The following KDM2B variants were observed in gnomAD, a reference collection of about 807,000 sequenced individuals.
KDM2B encodes the protein lysine demethylase 2B, also known as lysine-specific demethylase 2B.
KDM2B carries 26 observed loss-of-function variants against 150.0 expected under a neutral mutation model. The observed-to-expected ratio is 0.17, with a 90% CI of 0.13 to 0.24. The LOEUF (loss-of-function observed/expected upper bound fraction) is 0.24. Among genes scored for constraint, KDM2B ranks in the 10% least tolerant of loss-of-function variants. The pLI, the probability that KDM2B is intolerant of heterozygous loss-of-function variation, is 1.00. For missense variants in KDM2B, 1,265 were observed against 1,816.9 expected (o/e 0.70, Z 5.52); for synonymous variants, 734 against 729.5 (o/e 1.01, Z -0.10).
At chr12:121,457,247 A>ATTTT (rs1878407004) in intron 12 of KDM2B, among the ~76,000 whole-genome samples, 1 of 151,806 alleles carries the variant, frequency 6.6e-6, no homozygotes, top group Non-Finnish European at 1.5e-5. Flanking sequence ...TCAAACGCCA[A>ATTTT]TTCTTTTCTT....
chr12:121,440,677 T>C (rs1874860260), intron 21 of KDM2B, 139 bp downstream of exon 21: 1 of 857,704 alleles, frequency 1.2e-6, no homozygotes, highest in Non-Finnish European at 1.8e-6. Flanking sequence ...CCTCTGTGCC[T>C]GAAGCAAACT....
At chr12:121,421,872 G>A in the KDM2B span, among the ~76,000 whole-genome samples, 1 of 152,098 alleles carries the variant, frequency 6.6e-6, no homozygotes, top group African/African-American at 2.4e-5. Flanking sequence ...ATCATCTTGA[G>A]TTTTGTCCTT....
rs183354601 is a variant in KDM2B, at chr12:121,560,770, G to T, written c.398-11132C>A. ...GCAAAGGGAACCAGGCACACAGGCT[G>T]AGTCTCTAAGCAAGAGGTTTGGCAC... On this transcript the variant is annotated intron_variant, in intron 4 of 22. Transcript: ENST00000377071. Among the ~76,000 whole-genome samples the T allele has an allele frequency of 1.9e-3, 290 of 152,298 alleles. 1 individual carries two copies. Among genetic ancestry groups the T allele is most frequent in the African/African-American group, 6.0e-3 (251 of 41,580 alleles).
At chr12:121,409,533 T>TTA in the KDM2B span, 15 of 152,220 alleles carry the variant, frequency 9.9e-5, no homozygotes, top group Admixed American at 6.5e-4. Flanking sequence ...TGAGCAGGTC[T>TTA]TAAGCTTTTA....
chr12:121,557,383 G>A (rs1889980465), intron 4 of KDM2B, among the ~76,000 whole-genome samples: 2 of 151,828 alleles, frequency 1.3e-5, no homozygotes, highest in African/African-American at 2.4e-5. Context: ...GATTACAGGC[G>A]CCTACCACCA....
At chr12:121,551,807 C>T (rs917295913) in intron 4 of KDM2B, among the ~76,000 whole-genome samples, 2 of 152,170 alleles carry the variant, frequency 1.3e-5, no homozygotes, top group East Asian at 3.9e-4. Context: ...CCCGCCTCAG[C>T]CTCCCAAAGT....
chr12:121,441,586 G>A (rs1213722482), intron 19 of KDM2B, among the ~76,000 whole-genome samples: 10 of 152,154 alleles, frequency 6.6e-5, no homozygotes, highest in African/African-American at 2.2e-4. Context: ...ACAGGTGTGC[G>A]CCACCACACC....
chr12:121,460,182 T>C (rs868990642), intron 12 of KDM2B, among the ~76,000 whole-genome samples: 1 of 152,250 alleles, frequency 6.6e-6, no homozygotes, highest in East Asian at 1.9e-4. Flanking sequence ...ATTATGTATC[T>C]GATTTGATGC....
the KDM2B span, among the ~76,000 whole-genome samples, chr12:121,411,538 A>G: frequency 6.6e-6 from 1 of 152,224 alleles, no homozygotes; most frequent in Non-Finnish European, 1.5e-5. Context: ...TCCCTGATAC[A>G]AAGGTCATAA....
intron 22 of KDM2B, among the ~76,000 whole-genome samples, chr12:121,437,726 T>C (rs1201089574): frequency 6.6e-5 from 10 of 152,154 alleles, no homozygotes; most frequent in Admixed American, 6.6e-4. Flanking sequence ...AATTGCAACT[T>C]CCCTTGTCAC....
intron 4 of KDM2B, among the ~76,000 whole-genome samples, chr12:121,565,329 T>G (rs1451973420): frequency 2.0e-5 from 3 of 152,080 alleles, no homozygotes; most frequent in Admixed American, 2.0e-4. Context: ...TTTTTTTTTT[T>G]TTTTAAGACA....
chr12:121,470,609 G>A (rs1880672273), intron 12 of KDM2B: 1 of 152,294 alleles, frequency 6.6e-6, no homozygotes, highest in Non-Finnish European at 1.5e-5. Flanking sequence ...GTACTTGACA[G>A]ATGAGGAGAC....
chr12:121,556,475 G>C (rs1244877946), intron 4 of KDM2B, among the ~76,000 whole-genome samples: 5 of 152,054 alleles, frequency 3.3e-5, no homozygotes, highest in Admixed American at 2.6e-4. Context: ...GAAGCTTCCT[G>C]AAGTCCTCAC....
intron 12 of KDM2B, among the ~76,000 whole-genome samples, chr12:121,483,099 G>T (rs1882336087): frequency 6.6e-6 from 1 of 151,742 alleles, no homozygotes; most frequent in African/African-American, 2.4e-5. Flanking sequence ...GGAGGCAGAG[G>T]CTGCAGTGAG....
chr12:121,415,401 A>AC, the KDM2B span: 1 of 254,548 alleles, frequency 3.9e-6, no homozygotes, highest in Non-Finnish European at 8.7e-6. Context: ...TAGGCAGATC[A>AC]CTTGAGGCCA....
chr12:121,535,219 A>C (rs1188983674), intron 6 of KDM2B, among the ~76,000 whole-genome samples: 1 of 152,060 alleles, frequency 6.6e-6, no homozygotes, highest in Non-Finnish European at 1.5e-5. Flanking sequence ...CCAAAAAAAA[A>C]AAAACCCACA....
At chr12:121,434,229 A>T (rs1345271536) in intron 22 of KDM2B, among the ~76,000 whole-genome samples, 1 of 151,600 alleles carries the variant, frequency 6.6e-6, no homozygotes, top group Non-Finnish European at 1.5e-5. Flanking sequence ...AGACATATAG[A>T]CCAATGGAAT....
intron 12 of KDM2B, among the ~76,000 whole-genome samples, chr12:121,483,704 AC>A (rs1460541291): frequency 8.4e-6 from 1 of 118,892 alleles, no homozygotes; most frequent in Non-Finnish European, 1.7e-5. Flanking sequence ...AACAAAAAAA[AC>A]AAACAACAAC....
At chr12:121,427,374 T>C (rs114662628), downstream of KDM2B, among the ~76,000 whole-genome samples, 4,812 of 152,122 alleles carry the variant, frequency 0.032, 269 homozygotes, top group African/African-American at 0.11. Flanking sequence ...AAACCCTATC[T>C]CTACTAAAAA....
Sources: allele counts gnomAD v4.1 joint callset (sites outside exome capture counted in the v4.1 genomes callset), GRCh38; gene constraint gnomAD v4.1.1; transcripts MANE v1.5; gene names NCBI Gene and HGNC (gene_info 2026-07-23, HGNC 2026-07-21).